SCFD2: variants seen among roughly 807,000 people sequenced by gnomAD.
The protein encoded by SCFD2 is sec1 family domain containing 2, also known as sec1 family domain-containing protein 2.
Under a neutral mutation model 58.9 loss-of-function variants are expected in SCFD2, and 54 were observed. The ratio of observed to expected loss-of-function variants is 0.92; its 90% CI spans 0.74 to 1.15. SCFD2 has a LOEUF of 1.15. Among genes scored for constraint, SCFD2 ranks in the 50% most tolerant of loss-of-function variants. The probability of loss-of-function intolerance (pLI) is 0.00; values close to 1 mark genes in which losing one functional copy is unlikely to be tolerated. For synonymous variants in SCFD2, 321 were observed against 335.9 expected, an observed-to-expected ratio of 0.96 and a Z score of 0.49; for missense variants, 805 against 836.6, an observed-to-expected ratio of 0.96 and a Z score of 0.47.
rs182612971 is a variant in SCFD2 at position 53,202,645 on chromosome 4, C to T, written c.1312-57063G>A. Among the ~76,000 whole-genome samples, 442 of 152,220 alleles carry T rather than the reference C, an allele frequency of 2.9e-3. 2 individuals are homozygous for T. The highest frequency in any genetic ancestry group is 9.9e-3 in the African/African-American group (411 of 41,536). On this transcript the variant is annotated intron_variant, in intron 4 of 8. Transcript: ENST00000401642. The stretch of plus-strand genomic sequence containing the variant: ...ATGGCCATTTTCACGATATTGATTC[C>T]TCCTACCCATGAGCATGGAATGTAC...
At chr4:53,127,305 T>C (rs933245560) in intron 5 of SCFD2, among the ~76,000 whole-genome samples, 2 of 152,362 alleles carry the variant, frequency 1.3e-5, no homozygotes, top group Non-Finnish European at 1.5e-5. Context: ...TTGCAACATA[T>C]TTGCCCTGTT....
chr4:52,986,734 C>T (rs1485534157), intron 5 of SCFD2, among the ~76,000 whole-genome samples: 2 of 151,878 alleles, frequency 1.3e-5, no homozygotes, highest in Non-Finnish European at 2.9e-5. Flanking sequence ...CTCCTGACCT[C>T]GTGATCCACC....
At chr4:53,151,488 C>T in intron 4 of SCFD2, among the ~76,000 whole-genome samples, 1 of 152,106 alleles carries the variant, frequency 6.6e-6, no homozygotes, top group East Asian at 1.9e-4. Flanking sequence ...AGAAAGCTGA[C>T]CTTTTTAGTT....
intron 5 of SCFD2, among the ~76,000 whole-genome samples, chr4:53,103,897 T>TAAAAAAAAA (rs34101811): frequency 1.3e-5 from 1 of 74,346 alleles, no homozygotes; most frequent in Admixed American, 1.6e-4. Context: ...CAATATGAGC[T>TAAAAAAAAA]AAAAAAAAAA....
chr4:53,271,963 T>C (rs542058688), intron 4 of SCFD2, among the ~76,000 whole-genome samples: 8 of 152,110 alleles, frequency 5.3e-5, no homozygotes, highest in African/African-American at 1.9e-4. Context: ...ATCTGACAAA[T>C]GGCTAATATC....
chr4:53,251,346 C>T (rs1279148330), intron 4 of SCFD2, among the ~76,000 whole-genome samples: 2 of 151,988 alleles, frequency 1.3e-5, no homozygotes, highest in Non-Finnish European at 2.9e-5. Flanking sequence ...CTATTCCAAT[C>T]AATAGAAAAA....
intron 5 of SCFD2, among the ~76,000 whole-genome samples, chr4:53,060,712 G>A (rs936263906): frequency 3.3e-5 from 5 of 151,932 alleles, no homozygotes; most frequent in African/African-American, 1.2e-4. Flanking sequence ...CTATATATAT[G>A]TACTTTTGTT....
intron 7 of SCFD2, among the ~76,000 whole-genome samples, chr4:52,889,084 A>G (rs1718820671): frequency 6.6e-6 from 1 of 152,158 alleles, no homozygotes; most frequent in Non-Finnish European, 1.5e-5. Context: ...CTCCCAGATG[A>G]CGTTCTATTC....
chr4:53,019,961 G>C (rs1022115230), intron 5 of SCFD2, among the ~76,000 whole-genome samples: 1 of 152,126 alleles, frequency 6.6e-6, no homozygotes, highest in African/African-American at 2.4e-5. Context: ...CGTCTGGTGA[G>C]TCAATATGAA....
chr4:53,255,290 G>A (rs2149045850), intron 4 of SCFD2, among the ~76,000 whole-genome samples: 1 of 151,824 alleles, frequency 6.6e-6, no homozygotes, highest in African/African-American at 2.4e-5. Context: ...TAGGACAATA[G>A]TGGAGGGAAG....
At chr4:53,249,853 AT>A (rs1394954437) in intron 4 of SCFD2, among the ~76,000 whole-genome samples, 1 of 152,248 alleles carries the variant, frequency 6.6e-6, no homozygotes, top group Non-Finnish European at 1.5e-5. Context: ...ATCATGACAA[AT>A]TGTAAAGACC....
chr4:52,990,774 G>T (rs896583884), intron 5 of SCFD2, among the ~76,000 whole-genome samples: 9 of 152,030 alleles, frequency 5.9e-5, no homozygotes, highest in African/African-American at 2.2e-4. Context: ...AAAAAATAAG[G>T]GTAAAAGTCA....
intron 5 of SCFD2, among the ~76,000 whole-genome samples, chr4:53,049,784 C>T (rs1723139065): frequency 6.6e-6 from 1 of 152,022 alleles, no homozygotes; most frequent in Admixed American, 6.6e-5. Context: ...TAATGACTAC[C>T]TTATGTCAGA....
At position 52,958,701 on chromosome 4, in the gene SCFD2, G is replaced by A. The variant is rs145589738; in HGVS notation, c.1562-37831C>T. ...TCAGCCACCCATGGCCAGAAATACGGGAGGAAACGTGTGGCTAGAGCAGAG... is the reference window on the plus strand; with the variant it reads ...TCAGCCACCCATGGCCAGAAATACGAGAGGAAACGTGTGGCTAGAGCAGAG... On this transcript the variant is annotated intron_variant, in intron 5 of 8. Coordinates refer to ENST00000401642, the MANE Select transcript of SCFD2 (RefSeq NM_152540.4). 2.8e-3 allele frequency among the ~76,000 whole-genome samples: 428 copies of A among 152,200 alleles called. 9 individuals carry two copies. The South Asian group carries it at 0.04, about 14-fold the overall frequency.
Position 53,080,759 on chromosome 4 carries a change from C to G in SCFD2, c.1561+64574G>C, listed in dbSNP as rs144744547. On this transcript the variant is annotated intron_variant, in intron 5 of 8. Transcript: ENST00000401642. ...TGTCAACAACCAGGTTTCAAAACCT[C>G]AAAATAAACATAGCACTGGGGATGC... 9.6e-4 allele frequency among the ~76,000 whole-genome samples: 146 copies of G among 152,192 alleles called. 1 individual carries two copies. Among genetic ancestry groups the G allele is most frequent in the African/African-American group, 3.3e-3 (136 of 41,540 alleles).
At chr4:53,232,862 T>A (rs1291101812) in intron 4 of SCFD2, among the ~76,000 whole-genome samples, 1 of 152,164 alleles carries the variant, frequency 6.6e-6, no homozygotes, top group Non-Finnish European at 1.5e-5. Context: ...CTGCTGTGAG[T>A]CCTTTAACTT....
intron 4 of SCFD2, among the ~76,000 whole-genome samples, chr4:53,157,681 T>G (rs1283322017): frequency 6.6e-6 from 1 of 152,196 alleles, no homozygotes; most frequent in Non-Finnish European, 1.5e-5. Flanking sequence ...AATCAATGGA[T>G]TTACTTTTTT....
At chr4:53,037,377 T>C (rs1386440224) in intron 5 of SCFD2, among the ~76,000 whole-genome samples, 1 of 152,132 alleles carries the variant, frequency 6.6e-6, no homozygotes, top group East Asian at 1.9e-4. Flanking sequence ...GAGACTTTCA[T>C]TTTCTGTGAT....
At chr4:53,037,298 A>T (rs1307779951) in intron 5 of SCFD2, among the ~76,000 whole-genome samples, 1 of 152,182 alleles carries the variant, frequency 6.6e-6, no homozygotes, top group Non-Finnish European at 1.5e-5. Context: ...TATATGAACA[A>T]GCATGTTAGG....
Sources: gnomAD v4.1 joint callset for allele counts (sites outside exome capture counted in the v4.1 genomes callset) on GRCh38, gnomAD v4.1.1 for gene constraint, MANE v1.5 for transcripts, NCBI Gene and HGNC (gene_info 2026-07-23, HGNC 2026-07-21) for gene names.